SIGIRR: variants seen among roughly 807,000 people sequenced by gnomAD.
SIGIRR encodes the protein single Ig IL-1-related receptor.
A neutral mutation model predicts 45.6 loss-of-function variants in SIGIRR; 41 were observed. The ratio of observed to expected loss-of-function variants is 0.90; its 90% CI spans 0.70 to 1.17. SIGIRR has a LOEUF of 1.17. Ranked by LOEUF, SIGIRR falls within the 50% of genes most tolerant of loss-of-function variation. SIGIRR has a pLI of 0.00. For missense variants in SIGIRR, 599 were observed against 539.6 expected, an observed-to-expected ratio of 1.11 and a Z score of -1.09; for synonymous variants, 298 against 239.0, an observed-to-expected ratio of 1.25 and a Z score of -2.28.
At position 409,922 on chromosome 11, in the gene SIGIRR, CCCTGGCTCCA is replaced by C; in HGVS notation, c.-58_-49del. The C allele has an allele frequency of 7.8e-7, 1 of 1,284,632 alleles. No individual in the cohort carries two copies. Among genetic ancestry groups the C allele is most frequent in the African/African-American group, 1.5e-5 (1 of 65,122 alleles). 79.6% of individuals were successfully genotyped at this position (1,284,632 alleles called of 1,614,324 possible). A position where few individuals can be genotyped will look rare whatever the true frequency, so the allele number is the denominator to read the frequency against. ...GGGGCAGGCTGGGCTCCAGGGTCAC[CCCTGGCTCCA>C]CCGGGCTCCTCGGCCAGCAGACTGA... On this transcript the variant is annotated 5_prime_UTR_variant, in exon 2 of 10. Coordinates refer to ENST00000431843, the MANE Select transcript of SIGIRR (RefSeq NM_001135054.2).
In SIGIRR at chr11:408,155, G is replaced by A. The variant is rs142561304; in HGVS notation, c.258C>T (p.Asn86=). ...CCCCATAGACTTCAGTGCTGGTCAC[G>A]TTGACCCCCAGGACACTGGACACAA... The part of the protein sequence containing the change: ...EVLVSSVLGV[N]VTSTEVYGAF... Residue 86 remains asparagine (N), a synonymous_variant, in exon 4 of 10, where the codon AAC becomes AAT. Transcript: ENST00000431843. The A allele has an allele frequency of 3.1e-4, 497 of 1,612,798 alleles. 4 individuals are homozygous for A. In the East Asian group the frequency reaches 6.5e-3, roughly 21 times the overall value.
At position 406,803 on chromosome 11, in the gene SIGIRR, C is replaced by T. The variant is rs759202047; in HGVS notation, c.879+40G>A. The T allele has an allele frequency of 3.4e-6, 5 of 1,478,184 alleles. No individual in the cohort carries two copies. In the African/African-American group the frequency reaches 5.6e-5, roughly 17 times the overall value. 91.6% of individuals were successfully genotyped at this position (1,478,184 alleles called of 1,614,324 possible). Reference sequence around the variant, plus strand: ...GAGCCCGGGCACCGCCCATCTCTAACCCGCCGCTAGCCCCGGACCCTCCCG... The same window carrying T: ...GAGCCCGGGCACCGCCCATCTCTAATCCGCCGCTAGCCCCGGACCCTCCCG... On this transcript the variant is annotated intron_variant, in intron 8 of 9. Transcript: ENST00000431843.
At chr11:407,657 C>A in intron 5 of SIGIRR, 89 bp from the exon 6 acceptor site, 1 of 1,560,782 alleles carries the variant, frequency 6.4e-7, no homozygotes, top group Admixed American at 1.8e-5. Context: ...CTCCCACGTG[C>A]ACAGGGGCAG....
At chr11:406,226 G>C in intron 9 of SIGIRR, 123 bp downstream of exon 9, 1 of 1,540,358 alleles carries the variant, frequency 6.5e-7, no homozygotes, top group Non-Finnish European at 8.7e-7. Flanking sequence ...CCGTGCAGGG[G>C]CTCCCGGTGC....
Position 408,873 on chromosome 11 carries a change from C to CAGGG in SIGIRR, c.24_27dup (p.Asp10ProfsTer2), listed in dbSNP as rs1847469886. The CAGGG allele has an allele frequency of 6.2e-7, 1 of 1,612,546 alleles. No individual in the cohort carries two copies. The highest frequency in any genetic ancestry group is 1.3e-5 in the African/African-American group (1 of 74,926). ...TGGTCTTCAGACGGGGAGAGGAAGTCAGGGGCCCTATCACAGACACCTGAA... is the reference window on the plus strand; with the variant it reads ...TGGTCTTCAGACGGGGAGAGGAAGTCAGGGAGGGGCCCTATCACAGACACCTGAA... On this transcript the variant is annotated frameshift_variant, in exon 3 of 10. Transcript: ENST00000431843. LOFTEE classifies it high-confidence loss of function.
upstream of SIGIRR, among the ~76,000 whole-genome samples, chr11:415,693 C>T (rs771595966): frequency 9.8e-5 from 15 of 152,318 alleles, no homozygotes; most frequent in African/African-American, 2.6e-4. This position sits in a 1 kb window ranked among gnomAD's most constrained non-coding sequence, Gnocchi z 6.6. Flanking sequence ...GGGAGGGCAG[C>T]GCCCCCTTTT....
chr11:409,813 A>G, intron 2 of SIGIRR, 55 bp downstream of exon 2: 1 of 1,367,550 alleles, frequency 7.3e-7, no homozygotes, highest in Non-Finnish European at 9.5e-7. Flanking sequence ...AGCCAGCCTG[A>G]GGGGCAGGAG....
Position 408,125 on chromosome 11 carries a change from G to A in SIGIRR, c.288C>T (p.Phe96=). ...NVTSTEVYGA[F]TCSIQNISFS... Reference sequence around the variant, plus strand: ...AGCTGATGTTCTGGATGGAGCAGGTGAAGGCCCCATAGACTTCAGTGCTGG... The same window carrying A: ...AGCTGATGTTCTGGATGGAGCAGGTAAAGGCCCCATAGACTTCAGTGCTGG... The change falls in exon 4 of 10, where the codon TTC becomes TTT. Residue 96 remains phenylalanine, a synonymous_variant. Coordinates refer to ENST00000431843, the MANE Select transcript of SIGIRR (RefSeq NM_001135054.2). 6.2e-7 allele frequency: 1 copy of A among 1,612,830 alleles called. No individual in the cohort carries two copies.
Position 407,110 on chromosome 11 carries a change from A to ACG in SIGIRR, c.679_680insCG (p.Val227AlafsTer8). ...CCGGCTCAGGAAGGCGTCCGAAAGC[A>ACG]CCACGATGAGGCGTCGGCAGCGGCT... is the stretch of plus-strand genomic sequence containing the variant. On this transcript the variant is annotated frameshift_variant, in exon 7 of 10. Transcript: ENST00000431843. LOFTEE classifies it high-confidence loss of function. 1.3e-6 allele frequency: 2 copies of ACG among 1,513,346 alleles called. No individual in the cohort carries two copies. The highest frequency in any genetic ancestry group is 1.8e-6 in the Non-Finnish European group (2 of 1,133,884). The allele number at this position is 1,513,346 out of a possible 1,614,324, so 93.7% of individuals were successfully genotyped here.
chr11:409,699 G>C, intron 2 of SIGIRR, 169 bp downstream of exon 2: 1 of 668,684 alleles, frequency 1.5e-6, no homozygotes, highest in Non-Finnish European at 2.2e-6. Context: ...ACTCGCCCTG[G>C]TTTCAGGGCC....
intron 3 of SIGIRR, 128 bp downstream of exon 3, chr11:408,567 G>A (rs754317086): frequency 2.9e-5 from 33 of 1,125,078 alleles, no homozygotes; most frequent in Middle Eastern, 2.9e-4. Flanking sequence ...CTCCGTCTGG[G>A]TCCACAGAGG....
At chr11:407,247 G>T (rs1371882266) in intron 6 of SIGIRR, 83 bp from the exon 7 acceptor site, 17 of 618,776 alleles carry the variant, frequency 2.7e-5, no homozygotes, top group Non-Finnish European at 4.0e-5. Flanking sequence ...GCCGGACGCA[G>T]AGCTCTAAGG....
chr11:408,250 T>C (rs1335569722), intron 3 of SIGIRR, 44 bp from the exon 4 acceptor site: 1 of 1,605,156 alleles, frequency 6.2e-7, no homozygotes, highest in African/African-American at 1.3e-5. Context: ...GGGATACCAG[T>C]GGACACCCCC....
chr11:405,972 TC>T lies in SIGIRR; in HGVS notation c.1156del (p.Asp386ThrfsTer80). 1 of 1,612,356 alleles carries T rather than the reference TC, an allele frequency of 6.2e-7. No individual in the cohort carries two copies. Among genetic ancestry groups the T allele is most frequent in the Non-Finnish European group, 8.5e-7 (1 of 1,179,768 alleles). ...GTTTCGCGAGCCGAGATCCGAGACG[TC>T]CACTTCGCTGCTCCGGCTCTCTCCC... The part of the protein sequence containing the change: ...SLGESRSSEV[D>X]VSDLGSRNYS... On this transcript the variant is annotated frameshift_variant, in exon 10 of 10. Coordinates refer to ENST00000431843, the MANE Select transcript of SIGIRR (RefSeq NM_001135054.2). LOFTEE classifies it high-confidence loss of function.
At position 405,888 on chromosome 11, in the gene SIGIRR, G is replaced by A. The variant is rs1847265287; in HGVS notation, c.*8C>T. 6.3e-7 allele frequency: 1 copy of A among 1,587,628 alleles called. No homozygotes were observed. Among genetic ancestry groups the A allele is most frequent in the Admixed American group, 1.7e-5 (1 of 58,930 alleles). ...CTGTCCCTATGATCCTGCACTCTGG[G>A]GTGGGAGCTACATATCATCCTTGGA... On this transcript the variant is annotated 3_prime_UTR_variant, in exon 10 of 10. Coordinates refer to ENST00000431843, the MANE Select transcript of SIGIRR (RefSeq NM_001135054.2).
Position 408,719 on chromosome 11 carries a change from T to C in SIGIRR, c.182A>G (p.His61Arg), listed in dbSNP as rs1847462449. The change falls in exon 3 of 10, where the codon CAC (histidine) becomes CGC (arginine). Residue 61 changes from histidine to arginine, a missense_variant. Transcript: ENST00000431843. ...KDGLPLGIGG[H>R]YSLHEYSWVK... Reference sequence around the variant, plus strand: ...CCAGGAGTACTCGTGGAGGCTGTAGTGGCCCCCAATTCCCAATGGAAGCCC... The same window carrying C: ...CCAGGAGTACTCGTGGAGGCTGTAGCGGCCCCCAATTCCCAATGGAAGCCC... 1.2e-6 allele frequency: 2 copies of C among 1,612,736 alleles called. No individual in the cohort carries two copies. Among genetic ancestry groups the C allele is most frequent in the Non-Finnish European group, 1.7e-6 (2 of 1,179,946 alleles).
In SIGIRR at chr11:407,952, T is replaced by C. The variant is rs1404103800; in HGVS notation, c.346A>G (p.Thr116Ala). ...GCCAGCACCGCAGCCACGTGGCTTGTAGGGCCTGCGGATGGGTTGCCTGAG... is the reference window on the plus strand; with the variant it reads ...GCCAGCACCGCAGCCACGTGGCTTGCAGGGCCTGCGGATGGGTTGCCTGAG... ...SSFTLQRAGP[T>A]SHVAAVLASL... The change falls in exon 5 of 10, where the codon ACA becomes GCA. Residue 116 changes from threonine to alanine, a missense_variant. Coordinates refer to ENST00000431843, the MANE Select transcript of SIGIRR (RefSeq NM_001135054.2). The C allele has an allele frequency of 1.9e-6, 3 of 1,607,390 alleles. No individual in the cohort carries two copies. The highest frequency in any genetic ancestry group is 2.2e-5 in the East Asian group (1 of 44,810).
In SIGIRR at chr11:406,466, C is replaced by G; in HGVS notation, c.952G>C (p.Gly318Arg). ...TCCTGCAGCTGCGTCTGGGGGTCTC[C>G]TTCCACAGGCCTGTACTGCACCTTC... Reference protein sequence around the residue: ...PRKVQYRPVEGDPQTQLQDDK... With the variant: ...PRKVQYRPVERDPQTQLQDDK... The change falls in exon 9 of 10, where the codon GGA becomes CGA. Residue 318 changes from glycine (G) to arginine (R), a missense_variant. Coordinates refer to ENST00000431843, the MANE Select transcript of SIGIRR (RefSeq NM_001135054.2). 6.2e-7 allele frequency: 1 copy of G among 1,612,668 alleles called. No individual in the cohort carries two copies. Among genetic ancestry groups the G allele is most frequent in the Non-Finnish European group, 8.5e-7 (1 of 1,179,844 alleles).
chr11:407,510 G>A lies in SIGIRR; in HGVS notation c.540C>T (p.Phe180=). 1 of 1,607,020 alleles carries A rather than the reference G, an allele frequency of 6.2e-7. No homozygotes were observed. The highest frequency in any genetic ancestry group is 8.5e-7 in the Non-Finnish European group (1 of 1,177,382). ...GCTGCGGCTTTAGGATGAAGTTCAC[G>A]AACTTGCGGTCCTCGGGGCAGTCGC... ...SYSDCPEDRK[F]VNFILKPQLE... The change falls in exon 6 of 10, where the codon TTC becomes TTT. Residue 180 remains phenylalanine, a synonymous_variant. Transcript: ENST00000431843.
Sources: gnomAD v4.1 joint callset for allele counts (sites outside exome capture counted in the v4.1 genomes callset) on GRCh38, gnomAD v4.1.1 for gene constraint, Gnocchi (gnomAD v3.1) non-coding constraint, MANE v1.5 for transcripts, NCBI Gene and HGNC (gene_info 2026-07-23, HGNC 2026-07-21) for gene names.